CFAP74: variants seen among roughly 807,000 people sequenced by gnomAD.
CFAP74 encodes cilia and flagella associated protein 74.
In CFAP74, 124 loss-of-function variants were observed where a neutral mutation model predicts 188.9. That is an observed-to-expected ratio of 0.66 (90% CI 0.57 to 0.76). The LOEUF (loss-of-function observed/expected upper bound fraction) is 0.76. Among genes scored for constraint, CFAP74 ranks in the 30% least tolerant of loss-of-function variants. The pLI is 0.00. For synonymous variants in CFAP74, 956 were observed against 916.7 expected (o/e 1.04, Z -0.77); for missense variants, 2,198 against 2,165.2 (o/e 1.02, Z -0.30).
chr1:1,953,260 C>G (rs1654311839), intron 18 of CFAP74: 1 of 150,234 alleles, frequency 6.7e-6, no homozygotes, highest in Admixed American at 6.6e-5. Context: ...GAGGCGAGAA[C>G]TATATAAGCT....
In CFAP74 at chr1:1,923,594, C is replaced by G. The variant is rs1182208686; in HGVS notation, c.4390-95G>C. The G allele has an allele frequency of 1.9e-6, 3 of 1,545,852 alleles. No individual in the cohort carries two copies. The highest frequency in any genetic ancestry group is 2.6e-6 in the Non-Finnish European group (3 of 1,144,508). ...GCTGGCTCAGGGAAGGAAGCAGGGA[C>G]GGCCTGGGGGCCCCGTGGGGCCCTG... On this transcript the variant is annotated intron_variant, in intron 35 of 38. Coordinates refer to ENST00000682832, the MANE Select transcript of CFAP74 (RefSeq NM_001304360.2). This position sits in a 1 kb window ranked among gnomAD's most constrained non-coding sequence, Gnocchi z 6.3.
chr1:1,939,074 A>C, intron 24 of CFAP74, 86 bp from the exon 25 acceptor site: 1 of 1,368,882 alleles, frequency 7.3e-7, no homozygotes, highest in Non-Finnish European at 9.9e-7. Flanking sequence ...TGAGAGTAAG[A>C]GATGAGTGTG....
Position 1,981,285 on chromosome 1 carries a change from G to A in CFAP74, c.500+4101C>T, listed in dbSNP as rs189452710. Among the ~76,000 whole-genome samples the A allele has an allele frequency of 1.1e-4, 17 of 152,336 alleles. No individual in the cohort carries two copies. In the East Asian group the frequency reaches 1.9e-3, roughly 17 times the overall value. ...GCAGTGCCCAGAGACGACAAAAGGAGTCACCACATTGGCCACGGAGACCTT... is the reference window on the plus strand; with the variant it reads ...GCAGTGCCCAGAGACGACAAAAGGAATCACCACATTGGCCACGGAGACCTT... On this transcript the variant is annotated intron_variant, in intron 6 of 38. Transcript: ENST00000682832.
rs193070494 is a variant in CFAP74, at chr1:1,992,710, G to A, written c.-19-1735C>T. 3.1e-3 allele frequency among the ~76,000 whole-genome samples: 471 copies of A among 150,516 alleles called. 6 individuals carry two copies. The highest frequency in any genetic ancestry group is 0.011 in the Middle Eastern group (3 of 280). On this transcript the variant is annotated intron_variant, in intron 1 of 38. Transcript: ENST00000682832. ...AGGATGGTCTCGATCTCCTGACCTC[G>A]TGACCCACCTGTCTCGGCCTCCCAA...
At position 1,923,466 on chromosome 1, in the gene CFAP74, C is replaced by T. The variant is rs571469142; in HGVS notation, c.4423G>A (p.Ala1475Thr). 27 of 1,611,780 alleles carry T rather than the reference C, an allele frequency of 1.7e-5. No individual in the cohort carries two copies. The highest frequency in any genetic ancestry group is 1.3e-4 in the East Asian group (6 of 44,840). The part of the protein sequence containing the change: ...ISHQILLKGA[A>T]CQHMMFVEGG... ...TCCACGAACATCATGTGCTGACAGG[C>T]GGCACCCTTCAGCAGGATCTGGTGG... Residue 1475 changes from alanine to threonine, a missense_variant, in exon 36 of 39, where the codon GCC (alanine) becomes ACC (threonine). Coordinates refer to ENST00000682832, the MANE Select transcript of CFAP74 (RefSeq NM_001304360.2). The surrounding 1 kb of genome is among the most constrained non-coding windows in gnomAD (Gnocchi z 6.3).
chr1:1,945,665 G>A (rs1436531258), intron 20 of CFAP74, among the ~76,000 whole-genome samples: 1 of 151,724 alleles, frequency 6.6e-6, no homozygotes, highest in Non-Finnish European at 1.5e-5. Flanking sequence ...CCATCTCTAC[G>A]AAAAATACAA....
At chr1:1,938,226 G>A (rs58575452) in intron 25 of CFAP74, among the ~76,000 whole-genome samples, 1 of 127,952 alleles carries the variant, frequency 7.8e-6, no homozygotes, top group Non-Finnish European at 1.7e-5. Context: ...TGCACTCACA[G>A]TCACATGCTC....
chr1:1,939,070 TAA>T (rs998400753), intron 24 of CFAP74, 82 bp from the exon 25 acceptor site: 47 of 1,389,784 alleles, frequency 3.4e-5, no homozygotes, highest in Non-Finnish European at 4.3e-5. Context: ...AGTGTGAGAG[TAA>T]GAGATGAGTG....
In CFAP74 at chr1:1,968,910, G is replaced by A. The variant is rs568883107; in HGVS notation, c.1047-77C>T. On this transcript the variant is annotated intron_variant, in intron 10 of 38. Transcript: ENST00000682832. The surrounding 1 kb of genome is among the most constrained non-coding windows in gnomAD (Gnocchi z 4.3). ...TGCCCCAGATGAGACAGTGCCCGGC[G>A]GCCCCTCCCTAGCGCCCTCCTGGGG... The A allele has an allele frequency of 6.4e-5, 90 of 1,408,614 alleles. 1 individual carries two copies. The Admixed American group carries it at 1.5e-3, about 23-fold the overall frequency. 87.3% of individuals were successfully genotyped at this position (1,408,614 alleles called of 1,614,324 possible). A position where few individuals can be genotyped will look rare whatever the true frequency, so the allele number is the denominator to read the frequency against.
At position 1,923,789 on chromosome 1, in the gene CFAP74, C is replaced by A. The variant is rs141836605; in HGVS notation, c.4375G>T (p.Val1459Leu). 1 of 1,613,416 alleles carries A rather than the reference C, an allele frequency of 6.2e-7. No homozygotes were observed. The highest frequency in any genetic ancestry group is 8.5e-7 in the Non-Finnish European group (1 of 1,179,860). Residue 1459 changes from valine to leucine, a missense_variant, in exon 35 of 39, where the codon GTG (valine) becomes TTG (leucine). Val to Leu is a conservative substitution (Grantham distance 32, BLOSUM62 1). Transcript: ENST00000682832. The surrounding 1 kb of genome is among the most constrained non-coding windows in gnomAD (Gnocchi z 6.3). The stretch of plus-strand genomic sequence containing the variant: ...CAGAGCCGCACCTTTTCAAAGAGCA[C>A]CACCTGGAGCTTGTCGGAGAAGTAG... ...SLYFSDKLQV[V>L]LFEKKISHQI...
At chr1:1,966,266 A>C in intron 12 of CFAP74, 105 bp downstream of exon 12, 1 of 1,101,622 alleles carries the variant, frequency 9.1e-7, no homozygotes, top group Non-Finnish European at 1.2e-6. Flanking sequence ...AGCCAGGAGA[A>C]GCCTCAGAGC....
At chr1:1,980,170 T>C (rs1381948608) in intron 6 of CFAP74, among the ~76,000 whole-genome samples, 1 of 36,688 alleles carries the variant, frequency 2.7e-5, no homozygotes, top group African/African-American at 1.1e-4. Flanking sequence ...CGAGAGACTG[T>C]ATCTAAGCCA....
chr1:2,003,208 C>G (rs6682175), intron 1 of CFAP74, among the ~76,000 whole-genome samples: 87,034 of 152,130 alleles, frequency 0.57, 27,694 homozygotes, highest in African/African-American at 0.87. Flanking sequence ...CATTTCTTTT[C>G]AACTGTGGGC....
At position 1,947,292 on chromosome 1, in the gene CFAP74, G is replaced by A. The variant is rs1288308247; in HGVS notation, c.2177-238C>T. On this transcript the variant is annotated intron_variant, in intron 18 of 38. Transcript: ENST00000682832. ...TTCCCAAAGACCCCCATTTTCTCAC[G>A]ACCTGTTGGCCCAGGGCGAGGGTAT... Among the ~76,000 whole-genome samples the A allele has an allele frequency of 2.0e-5, 3 of 152,218 alleles. No individual in the cohort carries two copies. In the South Asian group the frequency reaches 6.2e-4, roughly 31 times the overall value.
At chr1:1,989,358 C>T (rs771289876) in intron 2 of CFAP74, among the ~76,000 whole-genome samples, 5 of 152,246 alleles carry the variant, frequency 3.3e-5, no homozygotes, top group Non-Finnish European at 7.3e-5. Context: ...TGAGACAAAG[C>T]CGTTGGGGAG....
intron 22 of CFAP74, 97 bp downstream of exon 22, chr1:1,941,931 A>G (rs1172948175): frequency 7.2e-6 from 9 of 1,247,668 alleles, no homozygotes; most frequent in African/African-American, 3.1e-5. Flanking sequence ...TGATCCCGGC[A>G]GCAATGAGAA....
At position 1,955,701 on chromosome 1, in the gene CFAP74, C is replaced by G; in HGVS notation, c.2166G>C (p.Glu722Asp). The change falls in exon 18 of 39, where the codon GAG becomes GAC. Residue 722 changes from glutamate to aspartate, a missense_variant. Transcript: ENST00000682832. ...GGCAGCCTGGCTCACCTGCGGGCTG[C>G]TCCTCCTCCTGCTCCTTGTCCAGCT... Reference protein sequence around the residue: ...LEKLDKEQEEEQPAEPERLTT... With the variant: ...LEKLDKEQEEDQPAEPERLTT... 6.2e-7 allele frequency: 1 copy of G among 1,613,830 alleles called. No homozygotes were observed. The highest frequency in any genetic ancestry group is 8.5e-7 in the Non-Finnish European group (1 of 1,179,772).
chr1:1,948,075 A>G (rs975681019), intron 18 of CFAP74, among the ~76,000 whole-genome samples: 8 of 151,818 alleles, frequency 5.3e-5, no homozygotes, highest in South Asian at 4.2e-4. Flanking sequence ...GTTTCACCAT[A>G]TCGGCCAGAC....
At position 1,959,233 on chromosome 1, in the gene CFAP74, C is replaced by A. The variant is rs772307039; in HGVS notation, c.1762-24G>T. 7 of 1,471,150 alleles carry A rather than the reference C, an allele frequency of 4.8e-6. 1 individual carries two copies. In the African/African-American group the frequency reaches 9.8e-5, roughly 21 times the overall value. The allele number at this position is 1,471,150 out of a possible 1,614,324, so 91.1% of individuals were successfully genotyped here. A position where few individuals can be genotyped will look rare whatever the true frequency, so the allele number is the denominator to read the frequency against. ...ATCTAAAACATAAAACAACCCCCAC[C>A]ACAATACACTTCTGCAACTTTTGTG... On this transcript the variant is annotated intron_variant, in intron 15 of 38. Transcript: ENST00000682832.
Sources: gnomAD v4.1 joint callset for allele counts (sites outside exome capture counted in the v4.1 genomes callset) on GRCh38, gnomAD v4.1.1 for gene constraint, Gnocchi (gnomAD v3.1) non-coding constraint, MANE v1.5 for transcripts, NCBI Gene and HGNC (gene_info 2026-07-23, HGNC 2026-07-21) for gene names.